Variants in NDUFAF2 observed in about 807,000 individuals in gnomAD.
NDUFAF2 encodes NADH dehydrogenase [ubiquinone] 1 alpha subcomplex assembly factor 2.
Under a neutral mutation model 22.8 loss-of-function variants are expected in NDUFAF2, and 13 were observed. The ratio of observed to expected loss-of-function variants is 0.57; its 90% CI spans 0.37 to 0.91. NDUFAF2 has a LOEUF of 0.91. Ranked by LOEUF, NDUFAF2 falls within the 40% of genes least tolerant of loss-of-function variation. The probability of loss-of-function intolerance (pLI) is 0.01; values close to 1 mark genes in which losing one functional copy is unlikely to be tolerated. For synonymous variants in NDUFAF2, 53 were observed against 64.2 expected (o/e 0.83, Z 0.84); for missense variants, 162 against 195.2 (o/e 0.83, Z 1.01).
Position 60,997,796 on chromosome 5 carries a change from A to G in NDUFAF2, c.127+52414A>G, listed in dbSNP as rs529871455. ...TGTGCTTGGATTCCCTCCCTCTTATATTCTTTCTTTATATGCTTATGAGAG... is the reference window on the plus strand; with the variant it reads ...TGTGCTTGGATTCCCTCCCTCTTATGTTCTTTCTTTATATGCTTATGAGAG... On this transcript the variant is annotated intron_variant, in intron 1 of 3. Coordinates refer to ENST00000296597, the MANE Select transcript of NDUFAF2 (RefSeq NM_174889.5). Among the ~76,000 whole-genome samples, 15 of 152,138 alleles carry G rather than the reference A, an allele frequency of 9.9e-5. No homozygotes were observed. In the East Asian group the frequency reaches 1.5e-3, roughly 16 times the overall value.
In NDUFAF2 at chr5:60,986,847, G is replaced by A. The variant is rs187202392; in HGVS notation, c.127+41465G>A. On this transcript the variant is annotated intron_variant, in intron 1 of 3. Coordinates refer to ENST00000296597, the MANE Select transcript of NDUFAF2 (RefSeq NM_174889.5). The stretch of plus-strand genomic sequence containing the variant: ...TTCAGGAGGCTGAGGCAGGAGAATC[G>A]CCTGATTCCAGGAGGTGGAGGTTGC... Among the ~76,000 whole-genome samples the A allele has an allele frequency of 7.3e-5, 11 of 151,196 alleles. No individual in the cohort carries two copies. In the South Asian group the frequency reaches 1.0e-3, roughly 14 times the overall value.
intron 1 of NDUFAF2, among the ~76,000 whole-genome samples, chr5:60,967,547 C>T (rs1293652749): frequency 6.6e-6 from 1 of 150,968 alleles, no homozygotes; most frequent in Non-Finnish European, 1.5e-5. Flanking sequence ...TTTTTTTTAT[C>T]ATGAAAGAGT....
chr5:61,139,645 A>G (rs999554275), intron 3 of NDUFAF2, among the ~76,000 whole-genome samples: 5 of 152,214 alleles, frequency 3.3e-5, no homozygotes, highest in Non-Finnish European at 7.4e-5. Context: ...GGAGGCAGCC[A>G]AATGCCTAGG....
At chr5:61,017,845 G>T (rs1263389105) in intron 1 of NDUFAF2, among the ~76,000 whole-genome samples, 1 of 152,036 alleles carries the variant, frequency 6.6e-6, no homozygotes, top group Non-Finnish European at 1.5e-5. Flanking sequence ...CACCTCCCAG[G>T]TTCAAGAGAT....
chr5:61,004,707 A>G (rs1283633488), intron 1 of NDUFAF2, among the ~76,000 whole-genome samples: 2 of 152,060 alleles, frequency 1.3e-5, no homozygotes, highest in African/African-American at 4.8e-5. Context: ...TTGTGACTCT[A>G]CCAGTCATAG....
chr5:61,052,044 C>T (rs1350822749), intron 1 of NDUFAF2, among the ~76,000 whole-genome samples: 1 of 151,822 alleles, frequency 6.6e-6, no homozygotes, highest in Non-Finnish European at 1.5e-5. Context: ...TGCTTTCATT[C>T]GAAAAACAAT....
intron 3 of NDUFAF2, among the ~76,000 whole-genome samples, chr5:61,107,169 C>G (rs1474847274): frequency 6.6e-6 from 1 of 150,930 alleles, no homozygotes; most frequent in East Asian, 1.9e-4. Flanking sequence ...AAACTCTTCT[C>G]CATGGTGGTT....
intron 3 of NDUFAF2, among the ~76,000 whole-genome samples, chr5:61,134,771 G>A (rs1207171193): frequency 6.6e-6 from 1 of 152,018 alleles, no homozygotes; most frequent in Non-Finnish European, 1.5e-5. Context: ...TGTTTATCAA[G>A]TAGATAGCAG....
intron 1 of NDUFAF2, among the ~76,000 whole-genome samples, chr5:61,007,556 C>T (rs1040592196): frequency 3.3e-5 from 5 of 152,152 alleles, no homozygotes; most frequent in Non-Finnish European, 5.9e-5. Context: ...AAAAAATGAT[C>T]GCCATCACTG....
chr5:61,015,640 A>G (rs533108409), intron 1 of NDUFAF2, among the ~76,000 whole-genome samples: 16 of 152,294 alleles, frequency 1.1e-4, no homozygotes, highest in African/African-American at 2.6e-4. Context: ...GATTGTTGAA[A>G]TATTTCTGGA....
intron 3 of NDUFAF2, among the ~76,000 whole-genome samples, chr5:61,125,245 A>C (rs991793581): frequency 6.6e-6 from 1 of 152,044 alleles, no homozygotes; most frequent in Non-Finnish European, 1.5e-5. Flanking sequence ...CTACTCAAAT[A>C]ATTGTTACCA....
chr5:61,003,100 G>T (rs535360951), intron 1 of NDUFAF2, among the ~76,000 whole-genome samples: 5 of 151,910 alleles, frequency 3.3e-5, no homozygotes, highest in Non-Finnish European at 7.4e-5. Context: ...AAATATACTT[G>T]TTAGCATGCT....
intron 3 of NDUFAF2, among the ~76,000 whole-genome samples, chr5:61,134,860 T>A (rs889993658): frequency 6.6e-6 from 1 of 152,140 alleles, no homozygotes; most frequent in African/African-American, 2.4e-5. Flanking sequence ...TATCCTTTTT[T>A]AAAATTTTAA....
intron 3 of NDUFAF2, among the ~76,000 whole-genome samples, chr5:61,123,675 A>G (rs552853680): frequency 2.0e-5 from 3 of 152,320 alleles, no homozygotes; most frequent in East Asian, 3.9e-4. Context: ...ATGTAAGTAC[A>G]TTATCGCTTA....
At position 61,073,127 on chromosome 5, in the gene NDUFAF2, C is replaced by T; in HGVS notation, c.130C>T (p.Gln44Ter). The change falls in exon 2 of 4, where the codon CAA becomes TAA. Residue 44 changes from glutamine (Q) to a stop codon, truncating the protein, a stop_gained and splice_region_variant. Transcript: ENST00000296597. LOFTEE classifies it high-confidence loss of function. The stretch of plus-strand genomic sequence containing the variant: ...TATTAATGACTTTTGTCTTATAGGA[C>T]AAACTATTCGAGAGAAAAGAATTGT... The part of the protein sequence containing the change: ...YIPQYKNWRG[Q>*]TIREKRIVEA... 6.2e-7 allele frequency: 1 copy of T among 1,603,916 alleles called. No homozygotes were observed. Among genetic ancestry groups the T allele is most frequent in the South Asian group, 1.1e-5 (1 of 90,898 alleles).
chr5:61,013,256 GT>G (rs1751463090), intron 1 of NDUFAF2, among the ~76,000 whole-genome samples: 1 of 151,598 alleles, frequency 6.6e-6, no homozygotes, highest in African/African-American at 2.4e-5. Context: ...GTACAATTTT[GT>G]TCATTTGAAA....
chr5:60,975,589 C>G (rs1360920127), intron 1 of NDUFAF2, among the ~76,000 whole-genome samples: 1 of 152,098 alleles, frequency 6.6e-6, no homozygotes, highest in Non-Finnish European at 1.5e-5. Context: ...ATGAGATCTC[C>G]TACAGTCAGT....
At chr5:61,003,617 G>T (rs1289824109) in intron 1 of NDUFAF2, among the ~76,000 whole-genome samples, 1 of 149,058 alleles carries the variant, frequency 6.7e-6, no homozygotes, top group African/African-American at 2.5e-5. Flanking sequence ...ATCCTGGATG[G>T]CTGGGTTTCT....
chr5:61,052,445 G>C (rs916097793), intron 1 of NDUFAF2, among the ~76,000 whole-genome samples: 16 of 152,054 alleles, frequency 1.1e-4, no homozygotes, highest in African/African-American at 3.9e-4. Context: ...CGAGTAGCTG[G>C]AACTACAGGC....
Sources: allele counts gnomAD v4.1 joint callset (sites outside exome capture counted in the v4.1 genomes callset), GRCh38; gene constraint gnomAD v4.1.1; transcripts MANE v1.5; gene names NCBI Gene and HGNC (gene_info 2026-07-23, HGNC 2026-07-21).